The following STYX variants were observed in gnomAD, a reference collection of about 807,000 sequenced individuals.
The protein encoded by STYX is serine/threonine/tyrosine-interacting protein.
Under a neutral mutation model 42.7 loss-of-function variants are expected in STYX, and 20 were observed. That is an observed-to-expected ratio of 0.47 (90% CI 0.33 to 0.68). STYX has a LOEUF of 0.68. Among genes scored for constraint, STYX ranks in the 30% least tolerant of loss-of-function variants. The probability of loss-of-function intolerance (pLI) is 0.02; values close to 1 mark genes in which losing one functional copy is unlikely to be tolerated. For missense variants in STYX, 226 were observed against 268.5 expected (o/e 0.84, Z 1.11); for synonymous variants, 78 against 81.9 (o/e 0.95, Z 0.26).
At chr14:52,736,834 C>T (rs1390654289) in intron 1 of STYX, among the ~76,000 whole-genome samples, 1 of 152,140 alleles carries the variant, frequency 6.6e-6, no homozygotes, top group Non-Finnish European at 1.5e-5. Flanking sequence ...CTTGAGTACT[C>T]TTCTGCCCCT....
chr14:52,736,876 A>G (rs949239015), intron 1 of STYX, among the ~76,000 whole-genome samples: 2 of 152,114 alleles, frequency 1.3e-5, no homozygotes, highest in African/African-American at 4.8e-5. Flanking sequence ...TTTTTATTTG[A>G]GTGAAACATT....
At chr14:52,746,954 T>C (rs1224001695) in intron 3 of STYX, among the ~76,000 whole-genome samples, 1 of 152,222 alleles carries the variant, frequency 6.6e-6, no homozygotes, top group Non-Finnish European at 1.5e-5. Context: ...ATCCCCGCTC[T>C]GAAATTTGAA....
At chr14:52,756,176 C>T (rs911279075) in intron 4 of STYX, among the ~76,000 whole-genome samples, 2 of 152,094 alleles carry the variant, frequency 1.3e-5, no homozygotes, top group African/African-American at 4.8e-5. Flanking sequence ...CCACGACACC[C>T]AGCTAATTTT....
Position 52,755,586 on chromosome 14 carries a change from G to A in STYX, c.243-965G>A, listed in dbSNP as rs553937582. Among the ~76,000 whole-genome samples the A allele has an allele frequency of 2.6e-5, 4 of 151,992 alleles. No homozygotes were observed. The East Asian group carries it at 7.7e-4, about 29-fold the overall frequency. On this transcript the variant is annotated intron_variant, in intron 4 of 10. Transcript: ENST00000354586. Reference sequence around the variant, plus strand: ...TAAACAGTGGTCTTAGAAACGCTTAGAAATGGAAGTTTTTTACAAAAATAA... The same window carrying A: ...TAAACAGTGGTCTTAGAAACGCTTAAAAATGGAAGTTTTTTACAAAAATAA...
chr14:52,765,788 A>G (rs1209889660), intron 9 of STYX, among the ~76,000 whole-genome samples: 1 of 152,138 alleles, frequency 6.6e-6, no homozygotes, highest in African/African-American at 2.4e-5. Context: ...TAGGTTTACC[A>G]TAGGGTTTGC....
Position 52,733,559 on chromosome 14 carries a change from C to T in STYX, c.57+3028C>T, listed in dbSNP as rs190589110. ...TATACACTCCTGACTGACTGTAAAT[C>T]AGGGTTCCCGTTACTCCCTCCTTGG... On this transcript the variant is annotated intron_variant, in intron 1 of 10. Transcript: ENST00000354586. Among the ~76,000 whole-genome samples the T allele has an allele frequency of 1.4e-4, 22 of 152,286 alleles. No individual in the cohort carries two copies. The East Asian group carries it at 2.1e-3, about 15-fold the overall frequency.
intron 4 of STYX, among the ~76,000 whole-genome samples, chr14:52,752,116 C>T (rs1207412626): frequency 6.6e-6 from 1 of 151,686 alleles, no homozygotes; most frequent in Non-Finnish European, 1.5e-5. Flanking sequence ...GCCGAGATCA[C>T]ACCACTGCAC....
chr14:52,736,394 A>G (rs1880952049), intron 1 of STYX, among the ~76,000 whole-genome samples: 1 of 152,228 alleles, frequency 6.6e-6, no homozygotes, highest in African/African-American at 2.4e-5. Flanking sequence ...TGAACCTTTC[A>G]TAAGAGAGCT....
intron 1 of STYX, among the ~76,000 whole-genome samples, chr14:52,737,435 A>C (rs1437975882): frequency 1.3e-5 from 2 of 152,242 alleles, no homozygotes; most frequent in Non-Finnish European, 2.9e-5. Flanking sequence ...AATTTGTCTC[A>C]GAATCATGGT....
rs1882491427 is a variant in STYX, at chr14:52,771,078, T to C, written c.644T>C (p.Met215Thr). 2 of 1,612,442 alleles carry C rather than the reference T, an allele frequency of 1.2e-6. No individual in the cohort carries two copies. The highest frequency in any genetic ancestry group is 4.5e-5 in the East Asian group (2 of 44,838). The change falls in exon 11 of 11, where the codon ATG becomes ACG. Residue 215 changes from methionine (M) to threonine (T), a missense_variant. Coordinates refer to ENST00000354586, the MANE Select transcript of STYX (RefSeq NM_145251.4). ...THEEEDDFGT[M>T]QVATAQNG ...GAAGAAGAGGATGATTTTGGAACCA[T>C]GCAAGTGGCGACTGCACAGAATGGC...
At chr14:52,759,329 AG>A (rs1882000334) in intron 8 of STYX, among the ~76,000 whole-genome samples, 1 of 152,132 alleles carries the variant, frequency 6.6e-6, no homozygotes, top group South Asian at 2.1e-4. Flanking sequence ...TACATTGCCC[AG>A]GCTGGTCTCA....
At chr14:52,770,533 T>C (rs1882472169) in intron 10 of STYX, among the ~76,000 whole-genome samples, 1 of 152,144 alleles carries the variant, frequency 6.6e-6, no homozygotes, top group Non-Finnish European at 1.5e-5. Context: ...AAAATCTCTT[T>C]ATATGCTACA....
intron 1 of STYX, among the ~76,000 whole-genome samples, chr14:52,733,328 T>G (rs1247012629): frequency 6.6e-6 from 1 of 152,166 alleles, no homozygotes; most frequent in Non-Finnish European, 1.5e-5. Flanking sequence ...GTGTGGGACT[T>G]GAAAACACAC....
intron 9 of STYX, among the ~76,000 whole-genome samples, chr14:52,763,223 T>C (rs1882169740): frequency 6.6e-6 from 1 of 152,160 alleles, no homozygotes. Context: ...CTCAGGTCAC[T>C]TTGGATGTAT....
intron 1 of STYX, among the ~76,000 whole-genome samples, chr14:52,733,902 CCCCCCGA>C (rs1880834650): frequency 6.6e-6 from 1 of 152,072 alleles, no homozygotes; most frequent in South Asian, 2.1e-4. Context: ...AGCAGCACTC[CCCCCCGA>C]CCCCCGCTGC....
chr14:52,733,874 C>T (rs545978922), intron 1 of STYX, among the ~76,000 whole-genome samples: 2 of 152,344 alleles, frequency 1.3e-5, no homozygotes, highest in Admixed American at 6.5e-5. Flanking sequence ...GTACACTCCA[C>T]AGTGTGGGAG....
intron 1 of STYX, among the ~76,000 whole-genome samples, chr14:52,732,751 A>G (rs1173098509): frequency 1.3e-5 from 2 of 151,736 alleles, no homozygotes; most frequent in Non-Finnish European, 2.9e-5. Flanking sequence ...GCTCACTGCA[A>G]CCTCCGCCTC....
At chr14:52,748,929 G>C (rs1388795737) in intron 3 of STYX, among the ~76,000 whole-genome samples, 5 of 152,182 alleles carry the variant, frequency 3.3e-5, no homozygotes, top group Non-Finnish European at 7.3e-5. Flanking sequence ...TTATACTCAA[G>C]AAATACAAAG....
rs1365280245 is a variant in STYX, at chr14:52,757,598, A to G, written c.341-145A>G. ...TTAATAAGAGTCTGCTATATTCTCT[A>G]CACAGTTGATAATAACAAATTGTAA... On this transcript the variant is annotated intron_variant, in intron 6 of 10. Transcript: ENST00000354586. 4 of 819,380 alleles carry G rather than the reference A, an allele frequency of 4.9e-6. No individual in the cohort carries two copies. In the Admixed American group the frequency reaches 8.2e-5, roughly 17 times the overall value. 50.8% of individuals were successfully genotyped at this position (819,380 alleles called of 1,614,324 possible).
Sources: gnomAD v4.1 joint callset for allele counts (sites outside exome capture counted in the v4.1 genomes callset) on GRCh38, gnomAD v4.1.1 for gene constraint, MANE v1.5 for transcripts, NCBI Gene and HGNC (gene_info 2026-07-23, HGNC 2026-07-21) for gene names.